DNTT: variants seen among roughly 807,000 people sequenced by gnomAD.
DNTT encodes DNA nucleotidylexotransferase.
A neutral mutation model predicts 60.9 loss-of-function variants in DNTT; 47 were observed. The ratio of observed to expected loss-of-function variants is 0.77; its 90% confidence interval spans 0.61 to 0.98. The LOEUF (loss-of-function observed/expected upper bound fraction) is 0.98. DNTT is among the 50% of genes least tolerant of loss of function. DNTT has a pLI of 0.00. For synonymous variants in DNTT, 224 were observed against 221.2 expected (o/e 1.01, Z -0.11); for missense variants, 665 against 627.5 (o/e 1.06, Z -0.64).
In DNTT at chr10:96,332,515, C is replaced by T. The variant is rs922056681; in HGVS notation, c.1278C>T (p.Thr426=). 6.2e-7 allele frequency: 1 copy of T among 1,614,180 alleles called. No individual in the cohort carries two copies. The highest frequency in any genetic ancestry group is 8.5e-7 in the Non-Finnish European group (1 of 1,180,018). The change falls in exon 9 of 11, where the codon ACC becomes ACT. Residue 426 remains threonine (T), a synonymous_variant. Transcript: ENST00000371174. ...SDQSSWQEGK[T]WKAIRVDLVL... ...AGTCCAGCTGGCAGGAAGGAAAGAC[C>T]TGGAAGGCCATCCGTGTGGATTTAG...
chr10:96,320,474 G>C, intron 3 of DNTT, 144 bp from the exon 4 acceptor site: 2 of 836,154 alleles, frequency 2.4e-6, no homozygotes, highest in South Asian at 3.6e-5. Context: ...AGGCATACAA[G>C]GGTATGGGAG....
In DNTT at chr10:96,318,493, A is replaced by G. The variant is rs757919123; in HGVS notation, c.345A>G (p.Lys115=). Residue 115 remains lysine (K), a synonymous_variant, in exon 2 of 11, where the codon AAA becomes AAG. Coordinates refer to ENST00000371174, the MANE Select transcript of DNTT (RefSeq NM_004088.4). ...TGATCGAATGCATAAGAGCAGGGAA[A>G]CCGGTGGAAATGACAGGAAAACACC... ...SWLIECIRAG[K]PVEMTGKHQL... The G allele has an allele frequency of 1.9e-6, 3 of 1,613,654 alleles. No individual in the cohort carries two copies. Among genetic ancestry groups the G allele is most frequent in the Non-Finnish European group, 2.5e-6 (3 of 1,179,724 alleles).
Position 96,307,777 on chromosome 10 carries a change from A to ATATTTT in DNTT, c.203+3078_203+3079insATTTTT, listed in dbSNP as rs768634575. On this transcript the variant is annotated intron_variant, in intron 1 of 10. Transcript: ENST00000371174. Reference sequence around the variant, plus strand: ...TGTGTGCATATATATATATATATATATTTTTTTTTTTTGAGGCAGGGTCTT... The same window carrying ATATTTT: ...TGTGTGCATATATATATATATATATATATTTTTTTTTTTTTTTTGAGGCAGGGTCTT... Among the ~76,000 whole-genome samples the ATATTTT allele has an allele frequency of 2.7e-4, 34 of 126,032 alleles. 3 individuals are homozygous for ATATTTT. Among genetic ancestry groups the ATATTTT allele is most frequent in the African/African-American group, 9.9e-4 (32 of 32,398 alleles). The allele number at this position is 126,032 out of a possible 152,430, so 82.7% of individuals were successfully genotyped here. A position where few individuals can be genotyped will look rare whatever the true frequency, so the allele number is the denominator to read the frequency against.
At chr10:96,315,065 A>G (rs1453439850) in intron 1 of DNTT, among the ~76,000 whole-genome samples, 3 of 152,208 alleles carry the variant, frequency 2.0e-5, no homozygotes, top group Non-Finnish European at 4.4e-5. Flanking sequence ...GAGGAAGCAC[A>G]TCACAGCCCA....
Position 96,338,178 on chromosome 10 carries a change from C to T in DNTT, c.1484C>T (p.Ala495Val), listed in dbSNP as rs758962884. The T allele has an allele frequency of 1.4e-5, 22 of 1,612,724 alleles. No homozygotes were observed. The highest frequency in any genetic ancestry group is 3.3e-5 in the Admixed American group (2 of 59,752). ...LKAESEEEIF[A>V]HLGLDYIEPW... ...GCAGAAAGTGAAGAAGAAATTTTTGCGCATCTGGGATTGGATTATATTGAA... is the reference window on the plus strand; with the variant it reads ...GCAGAAAGTGAAGAAGAAATTTTTGTGCATCTGGGATTGGATTATATTGAA... Residue 495 changes from alanine to valine, a missense_variant, in exon 11 of 11, where the codon GCG becomes GTG. Physicochemically the swap from Ala to Val is moderately conservative, Grantham distance 64. Coordinates refer to ENST00000371174, the MANE Select transcript of DNTT (RefSeq NM_004088.4).
intron 3 of DNTT, among the ~76,000 whole-genome samples, chr10:96,320,040 T>G (rs1247590010): frequency 6.6e-6 from 1 of 152,244 alleles, no homozygotes; most frequent in African/African-American, 2.4e-5. Flanking sequence ...ATTTCTAGAC[T>G]TCCAGCTCCA....
rs767993308 is a variant in DNTT at position 96,332,562 on chromosome 10, G to A, written c.1325G>A (p.Arg442His). 161 of 1,614,008 alleles carry A rather than the reference G, an allele frequency of 1.0e-4. 1 individual carries two copies. The South Asian group carries it at 1.6e-3, about 16-fold the overall frequency. The change falls in exon 9 of 11, where the codon CGT becomes CAT. Residue 442 changes from arginine (R) to histidine (H), a missense_variant. Physicochemically the swap from Arg to His is conservative, Grantham distance 29 (BLOSUM62 0). Coordinates refer to ENST00000371174, the MANE Select transcript of DNTT (RefSeq NM_004088.4). Reference protein sequence around the residue: ...VDLVLCPYERRAFALLGWTGS... With the variant: ...VDLVLCPYERHAFALLGWTGS... ...TTAGTTCTGTGCCCCTACGAGCGTCGTGCCTTTGCCCTGTTGGGATGGACT... is the reference window on the plus strand; with the variant it reads ...TTAGTTCTGTGCCCCTACGAGCGTCATGCCTTTGCCCTGTTGGGATGGACT...
chr10:96,307,732 TAAGCATATATATGTGTGTGTGTGTGC>T (rs1564868524), intron 1 of DNTT, among the ~76,000 whole-genome samples: 22 of 118,336 alleles, frequency 1.9e-4, no homozygotes, highest in Admixed American at 2.9e-4. Context: ...TATATATATA[TAAGCATATATATGTGTGTGTGTGTGC>T]ATATATATAT....
In DNTT at chr10:96,319,245, C is replaced by A. The variant is rs773648550; in HGVS notation, c.379-17C>A. On this transcript the variant is annotated splice_polypyrimidine_tract_variant and intron_variant, in intron 2 of 10. Transcript: ENST00000371174. ...TATTAATTTTTATTGAAAATGGATG[C>A]TTATGCATTTGTTTAGGTGAGAAGA... 6.2e-7 allele frequency: 1 copy of A among 1,610,232 alleles called. No individual in the cohort carries two copies. Among genetic ancestry groups the A allele is most frequent in the Non-Finnish European group, 8.5e-7 (1 of 1,177,956 alleles).
chr10:96,318,294 G>T, intron 1 of DNTT, 58 bp from the exon 2 acceptor site: 1 of 1,554,006 alleles, frequency 6.4e-7, no homozygotes, highest in Non-Finnish European at 8.7e-7. Flanking sequence ...TGAGGAAAGA[G>T]GAGAGCTTCT....
intron 8 of DNTT, among the ~76,000 whole-genome samples, chr10:96,329,655 C>G (rs1231998869): frequency 6.6e-6 from 1 of 152,212 alleles, no homozygotes; most frequent in East Asian, 1.9e-4. Flanking sequence ...AACCCTAGGG[C>G]CAGGGGCACT....
At chr10:96,336,047 A>T in intron 10 of DNTT, 73 bp downstream of exon 10, 1 of 1,445,718 alleles carries the variant, frequency 6.9e-7, no homozygotes, top group Non-Finnish European at 9.7e-7. Flanking sequence ...TTTTTCATGG[A>T]CTGATTTTAG....
chr10:96,307,732 TAA>T (rs770158074), intron 1 of DNTT, among the ~76,000 whole-genome samples: 36,123 of 118,186 alleles, frequency 0.31, 6,468 homozygotes, highest in Non-Finnish European at 0.41. Flanking sequence ...TATATATATA[TAA>T]GCATATATAT....
At position 96,332,540 on chromosome 10, in the gene DNTT, G is replaced by A. The variant is rs1418281613; in HGVS notation, c.1303G>A (p.Val435Ile). The A allele has an allele frequency of 6.2e-7, 1 of 1,614,190 alleles. No individual in the cohort carries two copies. The highest frequency in any genetic ancestry group is 1.3e-5 in the African/African-American group (1 of 75,064). ...KTWKAIRVDL[V>I]LCPYERRAFA... ...CTGGAAGGCCATCCGTGTGGATTTAGTTCTGTGCCCCTACGAGCGTCGTGC... is the reference window on the plus strand; with the variant it reads ...CTGGAAGGCCATCCGTGTGGATTTAATTCTGTGCCCCTACGAGCGTCGTGC... Residue 435 changes from valine to isoleucine, a missense_variant, in exon 9 of 11, where the codon GTT becomes ATT. Physicochemically the swap from Val to Ile is conservative, Grantham distance 29. Transcript: ENST00000371174.
chr10:96,332,213 C>A, intron 8 of DNTT, 138 bp from the exon 9 acceptor site: 1 of 1,185,084 alleles, frequency 8.4e-7, no homozygotes, highest in Non-Finnish European at 1.2e-6. Flanking sequence ...CTAGTGTTTG[C>A]AGGTGGGCCT....
At position 96,317,097 on chromosome 10, in the gene DNTT, A is replaced by G. The variant is rs963746463; in HGVS notation, c.204-1255A>G. 3.5e-4 allele frequency among the ~76,000 whole-genome samples: 54 copies of G among 152,328 alleles called. 1 individual carries two copies. The highest frequency in any genetic ancestry group is 2.2e-3 in the Admixed American group (34 of 15,306). On this transcript the variant is annotated intron_variant, in intron 1 of 10. Coordinates refer to ENST00000371174, the MANE Select transcript of DNTT (RefSeq NM_004088.4). ...TGTGCTCATGCTATTGCTCAGATTT[A>G]TAGACTATTTGAACTGAAAGGATCT...
chr10:96,319,540 A>G (rs1052745406), intron 3 of DNTT, 150 bp downstream of exon 3: 13 of 1,097,978 alleles, frequency 1.2e-5, no homozygotes, highest in Admixed American at 2.6e-5. Flanking sequence ...TGATCCTTCT[A>G]TCCTTCTTCT....
chr10:96,331,388 A>G (rs1022471303), intron 8 of DNTT, among the ~76,000 whole-genome samples: 1 of 152,226 alleles, frequency 6.6e-6, no homozygotes, highest in African/African-American at 2.4e-5. Context: ...ATGGTTCTGC[A>G]GGATGTATAA....
intron 10 of DNTT, among the ~76,000 whole-genome samples, chr10:96,337,915 T>C (rs1241314813): frequency 2.6e-5 from 4 of 152,180 alleles, no homozygotes; most frequent in Non-Finnish European, 5.9e-5. Context: ...TCCAAATGGC[T>C]TTTGCTGAAT....
Sources: gnomAD v4.1 joint callset for allele counts (sites outside exome capture counted in the v4.1 genomes callset) on GRCh38, gnomAD v4.1.1 for gene constraint, MANE v1.5 for transcripts, NCBI Gene and HGNC (gene_info 2026-07-23, HGNC 2026-07-21) for gene names.